The following TRPM3 variants were observed in gnomAD, a reference collection of about 807,000 sequenced individuals.
TRPM3 encodes transient receptor potential cation channel subfamily M member 3, also known as long transient receptor potential channel 3.
A neutral mutation model predicts 181.2 loss-of-function variants in TRPM3; 77 were observed. That is an observed-to-expected ratio of 0.42 (90% CI 0.35 to 0.51). The LOEUF is 0.51. TRPM3 is among the 20% of genes least tolerant of loss of function. The probability of loss-of-function intolerance (pLI) is 0.01; values close to 1 mark genes in which losing one functional copy is unlikely to be tolerated. For missense variants in TRPM3, 1,759 were observed against 2,196.7 expected, an observed-to-expected ratio of 0.80 and a Z score of 3.98; for synonymous variants, 745 against 796.4, an observed-to-expected ratio of 0.94 and a Z score of 1.09.
chr9:70,864,175 C>A (rs1293769696), intron 2 of TRPM3, among the ~76,000 whole-genome samples: 1 of 151,914 alleles, frequency 6.6e-6, no homozygotes, highest in Non-Finnish European at 1.5e-5. Flanking sequence ...AAAACATAAT[C>A]CACTGTTATA....
chr9:70,753,728 G>C lies in TRPM3; in HGVS notation c.1272+7873C>G, dbSNP rs188076737. ...TTCAATATGAATGAAGTGGTGGGAG[G>C]GGGGAGGTAGGGCAGTTATCTTTGG... On this transcript the variant is annotated intron_variant, in intron 8 of 25. Coordinates refer to ENST00000677713, the MANE Select transcript of TRPM3 (RefSeq NM_001366145.2). Among the ~76,000 whole-genome samples the C allele has an allele frequency of 5.1e-3, 769 of 152,222 alleles. 3 individuals are homozygous for C. The highest frequency in any genetic ancestry group is 7.9e-3 in the Admixed American group (121 of 15,290).
intron 1 of TRPM3, among the ~76,000 whole-genome samples, chr9:70,953,393 TCAAA>T (rs2097026581): frequency 6.6e-6 from 1 of 152,092 alleles, no homozygotes; most frequent in South Asian, 2.1e-4. Context: ...TCTGCTGGTC[TCAAA>T]CAAACAAACA....
intron 1 of TRPM3, among the ~76,000 whole-genome samples, chr9:71,349,554 T>C (rs183008659): frequency 5.1e-4 from 77 of 152,342 alleles, no homozygotes; most frequent in African/African-American, 1.8e-3. Context: ...AACCCCAAGA[T>C]ATTTTATAAT....
chr9:70,771,050 T>G (rs1248892493), intron 7 of TRPM3, among the ~76,000 whole-genome samples: 1 of 152,182 alleles, frequency 6.6e-6, no homozygotes, highest in East Asian at 1.9e-4. Context: ...TTGGATCATA[T>G]TCATCAAAAG....
At chr9:71,209,276 C>G (rs2079322251) in intron 1 of TRPM3, among the ~76,000 whole-genome samples, 1 of 144,610 alleles carries the variant, frequency 6.9e-6, no homozygotes. Flanking sequence ...AAACCAATTC[C>G]AAAAATGATT....
chr9:71,441,299 T>TG (rs1285687287), intron 1 of TRPM3, among the ~76,000 whole-genome samples: 1 of 152,048 alleles, frequency 6.6e-6, no homozygotes, highest in East Asian at 1.9e-4. Flanking sequence ...AATACAACAT[T>TG]GTCCCTTTTT....
intron 1 of TRPM3, among the ~76,000 whole-genome samples, chr9:70,896,087 T>TA (rs2096274744): frequency 6.6e-6 from 1 of 152,070 alleles, no homozygotes; most frequent in Non-Finnish European, 1.5e-5. Flanking sequence ...AGATTAAGAG[T>TA]ACTTTTAGAA....
At chr9:71,190,316 T>C (rs1414803982) in intron 1 of TRPM3, among the ~76,000 whole-genome samples, 3 of 151,922 alleles carry the variant, frequency 2.0e-5, no homozygotes, top group Non-Finnish European at 4.4e-5. Context: ...AAAGAACTTG[T>C]ACAAATACCT....
chr9:70,548,438 A>G (rs1199589333), intron 25 of TRPM3, among the ~76,000 whole-genome samples: 1 of 152,224 alleles, frequency 6.6e-6, no homozygotes. Flanking sequence ...AGGGCCAGGG[A>G]CAAAATATAC....
intron 1 of TRPM3, among the ~76,000 whole-genome samples, chr9:71,375,969 A>C (rs897559746): frequency 2.6e-5 from 4 of 152,166 alleles, no homozygotes; most frequent in Admixed American, 1.3e-4. Context: ...TAACTATTGC[A>C]GTAGTCTGGA....
intron 1 of TRPM3, among the ~76,000 whole-genome samples, chr9:71,210,369 G>T (rs753403072): frequency 1.7e-4 from 26 of 152,114 alleles, no homozygotes; most frequent in Non-Finnish European, 3.4e-4. Context: ...ATATTACAAT[G>T]TTATAATAAA....
intron 1 of TRPM3, among the ~76,000 whole-genome samples, chr9:70,976,497 T>C (rs950870114): frequency 3.9e-5 from 6 of 152,182 alleles, no homozygotes; most frequent in Admixed American, 6.5e-5. Context: ...ACAGTAGAGG[T>C]GTTCTTAAAG....
At chr9:70,966,123 T>C (rs3010430) in intron 1 of TRPM3, among the ~76,000 whole-genome samples, 116,730 of 151,636 alleles carry the variant, frequency 0.77, 45,354 homozygotes, top group African/African-American at 0.86. Flanking sequence ...GACATACATG[T>C]GGCCAACAAG....
At chr9:70,786,311 C>CAAAAAAAAAAAA (rs71367227) in intron 6 of TRPM3, among the ~76,000 whole-genome samples, 24 of 54,464 alleles carry the variant, frequency 4.4e-4, no homozygotes, top group African/African-American at 9.1e-4. Context: ...CTAAAAATAC[C>CAAAAAAAAAAAA]AAAAAAAAAA....
At chr9:71,168,962 A>G (rs7019473) in intron 1 of TRPM3, among the ~76,000 whole-genome samples, 61,400 of 151,840 alleles carry the variant, frequency 0.4, 12,700 homozygotes, top group East Asian at 0.52. Flanking sequence ...ATAATTAACA[A>G]AGCCATGGAT....
At chr9:70,605,137 T>C (rs1490219842) in intron 19 of TRPM3, among the ~76,000 whole-genome samples, 6 of 151,834 alleles carry the variant, frequency 4.0e-5, no homozygotes, top group Admixed American at 2.0e-4. Flanking sequence ...GTATTTTTAG[T>C]AGAGACTGAG....
At chr9:71,365,817 C>T (rs750895999) in intron 1 of TRPM3, among the ~76,000 whole-genome samples, 28 of 152,006 alleles carry the variant, frequency 1.8e-4, no homozygotes, top group African/African-American at 3.9e-4. Context: ...CTAAATATAG[C>T]GAATACAGAG....
intron 20 of TRPM3, among the ~76,000 whole-genome samples, chr9:70,602,727 C>T (rs2060288031): frequency 6.6e-6 from 1 of 152,090 alleles, no homozygotes; most frequent in Non-Finnish European, 1.5e-5. Flanking sequence ...TTCAAATAAA[C>T]CATTTAGGGG....
chr9:71,280,890 C>T (rs569667868), intron 1 of TRPM3, among the ~76,000 whole-genome samples: 1 of 152,326 alleles, frequency 6.6e-6, no homozygotes, highest in Admixed American at 6.5e-5. Context: ...ATTCATTCCC[C>T]TATTATTCTC....
Sources: allele counts gnomAD v4.1 joint callset (sites outside exome capture counted in the v4.1 genomes callset), GRCh38; gene constraint gnomAD v4.1.1; transcripts MANE v1.5; gene names NCBI Gene and HGNC (gene_info 2026-07-23, HGNC 2026-07-21).